The following ABLIM3 variants were observed in gnomAD, a reference collection of about 807,000 sequenced individuals.
The protein encoded by ABLIM3 is actin binding LIM protein family member 3.
A neutral mutation model predicts 109.5 loss-of-function variants in ABLIM3; 61 were observed. The ratio of observed to expected loss-of-function variants is 0.56; its 90% CI spans 0.45 to 0.69. The LOEUF (loss-of-function observed/expected upper bound fraction) is 0.69, where lower values mean the gene tolerates loss of function less well. ABLIM3 is among the 30% of genes least tolerant of loss of function. The pLI, the probability that ABLIM3 is intolerant of heterozygous loss-of-function variation, is 0.00. For missense variants in ABLIM3, 796 were observed against 889.5 expected, an observed-to-expected ratio of 0.89 and a Z score of 1.34; for synonymous variants, 300 against 324.8, an observed-to-expected ratio of 0.92 and a Z score of 0.82.
intron 8 of ABLIM3, among the ~76,000 whole-genome samples, chr5:149,226,346 G>A (rs925756571): frequency 3.9e-5 from 6 of 152,054 alleles, no homozygotes; most frequent in African/African-American, 1.4e-4. Flanking sequence ...TTAGCCGAGT[G>A]TGGTGGCATG....
At chr5:149,224,463 C>A (rs1480592828) in intron 8 of ABLIM3, among the ~76,000 whole-genome samples, 1 of 152,204 alleles carries the variant, frequency 6.6e-6, no homozygotes, top group Non-Finnish European at 1.5e-5. Flanking sequence ...CCACTTCTCC[C>A]GAGGTGCCCT....
chr5:149,254,676 C>T (rs955522240), intron 23 of ABLIM3, among the ~76,000 whole-genome samples: 5 of 152,172 alleles, frequency 3.3e-5, no homozygotes, highest in Non-Finnish European at 5.9e-5. Flanking sequence ...TGATTCTCCT[C>T]ACATTTCAAC....
At chr5:149,144,134 G>C (rs1165434988) in intron 2 of ABLIM3, among the ~76,000 whole-genome samples, 1 of 152,172 alleles carries the variant, frequency 6.6e-6, no homozygotes, top group Non-Finnish European at 1.5e-5. Flanking sequence ...TATGAGGACT[G>C]GCAAAAATGC....
At chr5:149,222,325 C>T (rs1760734491) in intron 8 of ABLIM3, among the ~76,000 whole-genome samples, 1 of 152,024 alleles carries the variant, frequency 6.6e-6, no homozygotes, top group African/African-American at 2.4e-5. Flanking sequence ...CAAGAGCATA[C>T]GCCACTTAGC....
chr5:149,247,960 G>A (rs757266041), intron 18 of ABLIM3, 31 bp downstream of exon 18: 34 of 1,603,832 alleles, frequency 2.1e-5, no homozygotes, highest in East Asian at 4.5e-5. Flanking sequence ...CCAACGGGGC[G>A]GGGACACCTT....
At chr5:149,220,995 G>A (rs1760592304) in intron 8 of ABLIM3, 1 of 152,240 alleles carries the variant, frequency 6.6e-6, no homozygotes, top group Admixed American at 6.5e-5. Flanking sequence ...ATGACAAGCT[G>A]TGACAAGTGC....
At chr5:149,255,392 G>A (rs1754340584) in intron 23 of ABLIM3, among the ~76,000 whole-genome samples, 1 of 152,164 alleles carries the variant, frequency 6.6e-6, no homozygotes, top group African/African-American at 2.4e-5. Flanking sequence ...TTTTGTGTGA[G>A]AAGACATAAG....
chr5:149,201,584 A>G (rs1315119293), intron 5 of ABLIM3, among the ~76,000 whole-genome samples: 1 of 152,176 alleles, frequency 6.6e-6, no homozygotes, highest in African/African-American at 2.4e-5. Context: ...CAGCCAAATC[A>G]GATCTGTTCC....
chr5:149,207,191 C>T, intron 6 of ABLIM3, 57 bp downstream of exon 6: 1 of 1,577,618 alleles, frequency 6.3e-7, no homozygotes, highest in Non-Finnish European at 8.6e-7. Flanking sequence ...GTGAGGCCTG[C>T]CCCATTGAGC....
intron 3 of ABLIM3, among the ~76,000 whole-genome samples, chr5:149,185,480 G>T (rs1000472167): frequency 6.6e-6 from 1 of 152,176 alleles, no homozygotes; most frequent in Non-Finnish European, 1.5e-5. Flanking sequence ...TCAAGGTCAC[G>T]GAGAAATAAA....
Position 149,259,700 on chromosome 5 carries a change from T to C in ABLIM3, c.*1296T>C. ...TAACCTCTCTTCTCCTCTCCAAACC[T>C]TTCACCTTGAATGGGTAATGTTTGG... On this transcript the variant is annotated 3_prime_UTR_variant, in exon 24 of 24. Coordinates refer to ENST00000309868, the MANE Select transcript of ABLIM3 (RefSeq NM_014945.5). The C allele has an allele frequency of 8.9e-7, 1 of 1,127,198 alleles. No homozygotes were observed. The highest frequency in any genetic ancestry group is 1.4e-5 in the South Asian group (1 of 72,500). The allele number at this position is 1,127,198 out of a possible 1,614,324, so 69.8% of individuals were successfully genotyped here.
rs767305309 is a variant in ABLIM3, at chr5:149,142,002, C to T, written c.-87-7C>T. The T allele has an allele frequency of 2.8e-5, 44 of 1,586,180 alleles. No individual in the cohort carries two copies. The highest frequency in any genetic ancestry group is 6.7e-5 in the Admixed American group (4 of 59,970). ...AGCTGGCACTGGACTGCCTTTTCAC[C>T]CCCCAGGTGATGAGTGAGGTTCGAA... On this transcript the variant is annotated splice_region_variant and splice_polypyrimidine_tract_variant and intron_variant, in intron 1 of 23. Transcript: ENST00000309868.
At chr5:149,206,866 C>A in intron 5 of ABLIM3, 142 bp from the exon 6 acceptor site, 1 of 1,087,732 alleles carries the variant, frequency 9.2e-7, no homozygotes, top group Non-Finnish European at 1.2e-6. Flanking sequence ...CCTGGGAGAG[C>A]CTCTGGGAAG....
intron 6 of ABLIM3, 107 bp downstream of exon 6, chr5:149,207,241 T>C: frequency 2.7e-6 from 4 of 1,464,270 alleles, no homozygotes; most frequent in Non-Finnish European, 2.8e-6. Context: ...TTCCTTTCCG[T>C]CTGCTGCTGC....
chr5:149,226,161 G>C (rs943728110), intron 8 of ABLIM3, among the ~76,000 whole-genome samples: 2 of 151,236 alleles, frequency 1.3e-5, no homozygotes, highest in Admixed American at 6.6e-5. Flanking sequence ...TAAAGGCAGA[G>C]GTCTGAGAAA....
intron 10 of ABLIM3, among the ~76,000 whole-genome samples, chr5:149,235,592 G>C (rs1347347928): frequency 2.0e-5 from 3 of 152,238 alleles, no homozygotes; most frequent in African/African-American, 4.8e-5. Context: ...TTGGGGTAAA[G>C]TGCCAAAATG....
At chr5:149,197,272 C>A (rs1758064902) in intron 3 of ABLIM3, among the ~76,000 whole-genome samples, 2 of 152,190 alleles carry the variant, frequency 1.3e-5, no homozygotes, top group Admixed American at 6.5e-5. Context: ...CTAGCCTTTA[C>A]ACAAATATCA....
intron 2 of ABLIM3, among the ~76,000 whole-genome samples, chr5:149,145,751 G>A (rs1220086129): frequency 1.3e-5 from 2 of 151,378 alleles, no homozygotes; most frequent in Non-Finnish European, 2.9e-5. Context: ...TAGTGATGTT[G>A]AGCATTTTTA....
chr5:149,244,703 G>C, intron 15 of ABLIM3, 178 bp from the exon 16 acceptor site: 1 of 722,120 alleles, frequency 1.4e-6, no homozygotes, highest in South Asian at 1.8e-5. Flanking sequence ...GCAAAATGAG[G>C]GTTTGGCCCC....
Sources: gnomAD v4.1 joint callset for allele counts (sites outside exome capture counted in the v4.1 genomes callset) on GRCh38, gnomAD v4.1.1 for gene constraint, MANE v1.5 for transcripts, NCBI Gene and HGNC (gene_info 2026-07-23, HGNC 2026-07-21) for gene names.